Variants in KIAA1549L observed in about 807,000 individuals in gnomAD.
The protein encoded by KIAA1549L is KIAA1549 like.
KIAA1549L carries 88 observed loss-of-function variants against 160.7 expected under a neutral mutation model. The observed-to-expected ratio is 0.55, with a 90% CI of 0.46 to 0.65. The LOEUF (loss-of-function observed/expected upper bound fraction) is 0.65, where lower values mean the gene tolerates loss of function less well. Ranked by LOEUF, KIAA1549L falls within the 30% of genes least tolerant of loss-of-function variation. The pLI is 0.00. For missense variants in KIAA1549L, 2,258 were observed against 2,437.5 expected (o/e 0.93, Z 1.55); for synonymous variants, 950 against 976.7 (o/e 0.97, Z 0.51).
At chr11:33,634,779 G>A (rs1851394600) in intron 16 of KIAA1549L, among the ~76,000 whole-genome samples, 1 of 152,142 alleles carries the variant, frequency 6.6e-6, no homozygotes, top group Non-Finnish European at 1.5e-5. Context: ...TCTGAAAGAG[G>A]ATGTCCCTAT....
At chr11:33,567,973 A>T in intron 8 of KIAA1549L, 103 bp from the exon 9 acceptor site, 1 of 1,226,068 alleles carries the variant, frequency 8.2e-7, no homozygotes, top group South Asian at 1.7e-5. Context: ...GAGGTAGGAC[A>T]CAGTGGCCCT....
intron 3 of KIAA1549L, among the ~76,000 whole-genome samples, chr11:33,546,606 C>T (rs1279515746): frequency 2.0e-5 from 3 of 152,210 alleles, no homozygotes; most frequent in Non-Finnish European, 4.4e-5. Context: ...CAGAGTCCCA[C>T]CTCTTCAATC....
intron 11 of KIAA1549L, among the ~76,000 whole-genome samples, chr11:33,586,249 C>T (rs947555658): frequency 6.6e-6 from 1 of 152,222 alleles, no homozygotes; most frequent in African/African-American, 2.4e-5. Context: ...AGAGGGCACT[C>T]CCGGGGATCC....
At chr11:33,532,202 C>T (rs949598372) in intron 1 of KIAA1549L, among the ~76,000 whole-genome samples, 11 of 152,186 alleles carry the variant, frequency 7.2e-5, no homozygotes, top group African/African-American at 2.7e-4. Context: ...CTCTATCTCA[C>T]AGGTACTATG....
chr11:33,557,153 A>G (rs1257931947), intron 6 of KIAA1549L, among the ~76,000 whole-genome samples: 1 of 151,732 alleles, frequency 6.6e-6, no homozygotes, highest in Admixed American at 6.6e-5. Flanking sequence ...ATGCTTGGCA[A>G]TTTTTTTCTA....
chr11:33,581,068 G>A lies in KIAA1549L; in HGVS notation c.4403-2270G>A, dbSNP rs548145157. On this transcript the variant is annotated intron_variant, in intron 10 of 20. Transcript: ENST00000658780. ...TCGAGGTCATTGAGGGAGCAGAGTC[G>A]TAGCTGTGAGGTCAGAGGCACAGAA... is the stretch of plus-strand genomic sequence containing the variant. 1.1e-3 allele frequency among the ~76,000 whole-genome samples: 164 copies of A among 152,256 alleles called. 2 individuals carry two copies. Among genetic ancestry groups the A allele is most frequent in the Middle Eastern group, 6.8e-3 (2 of 294 alleles).
intron 19 of KIAA1549L, among the ~76,000 whole-genome samples, chr11:33,660,409 C>CA (rs753361566): frequency 8.1e-4 from 124 of 152,220 alleles, no homozygotes; most frequent in Admixed American, 2.7e-3. Flanking sequence ...ACTAAAAATA[C>CA]AAAAAATTAG....
intron 1 of KIAA1549L, among the ~76,000 whole-genome samples, chr11:33,465,046 CTTTTTTTTTT>C (rs1008261470): frequency 1.4e-4 from 11 of 79,004 alleles, no homozygotes; most frequent in South Asian, 4.7e-4. Flanking sequence ...GGACCTTCTT[CTTTTTTTTTT>C]TTTTTTTTTT....
intron 1 of KIAA1549L, among the ~76,000 whole-genome samples, chr11:33,504,919 G>A (rs919028896): frequency 2.6e-5 from 4 of 152,064 alleles, no homozygotes. Flanking sequence ...GGCATGCACT[G>A]CCACACCTGG....
intron 17 of KIAA1549L, among the ~76,000 whole-genome samples, chr11:33,649,701 A>G (rs1438342470): frequency 1.3e-5 from 2 of 151,918 alleles, no homozygotes; most frequent in East Asian, 1.9e-4. Flanking sequence ...GGAAATATGC[A>G]GATATATCAG....
rs188088387 is a variant in KIAA1549L at position 33,478,338 on chromosome 11, T to C, written c.239-63464T>C. Among the ~76,000 whole-genome samples, 185 of 152,314 alleles carry C rather than the reference T, an allele frequency of 1.2e-3. 1 individual carries two copies. Among genetic ancestry groups the C allele is most frequent in the African/African-American group, 4.3e-3 (177 of 41,574 alleles). On this transcript the variant is annotated intron_variant, in intron 1 of 20. Transcript: ENST00000658780. ...TGCAAGCCCCCCAGACGGGCAAAGG[T>C]TTCTGCAAAGCTATGTCTTGCAGGG...
chr11:33,621,370 G>A (rs373492878), intron 16 of KIAA1549L, among the ~76,000 whole-genome samples: 2 of 152,286 alleles, frequency 1.3e-5, no homozygotes, highest in East Asian at 3.9e-4. Flanking sequence ...GCTAAGGGAT[G>A]TAGTACACTC....
At chr11:33,459,185 T>C (rs1169620124) in intron 1 of KIAA1549L, among the ~76,000 whole-genome samples, 2 of 152,232 alleles carry the variant, frequency 1.3e-5, no homozygotes, top group Non-Finnish European at 2.9e-5. Flanking sequence ...GGAAGAATTC[T>C]GGGCTTTACC....
intron 1 of KIAA1549L, among the ~76,000 whole-genome samples, chr11:33,511,943 A>G (rs1429560867): frequency 1.3e-5 from 2 of 152,240 alleles, no homozygotes; most frequent in Non-Finnish European, 2.9e-5. Flanking sequence ...TTTGTATACA[A>G]TAAAGTTAGC....
intron 12 of KIAA1549L, among the ~76,000 whole-genome samples, chr11:33,591,684 C>T (rs1401024667): frequency 6.6e-6 from 1 of 152,216 alleles, no homozygotes; most frequent in Non-Finnish European, 1.5e-5. Flanking sequence ...AAATTTAGCA[C>T]TGATGTTACA....
intron 15 of KIAA1549L, among the ~76,000 whole-genome samples, chr11:33,611,454 G>A (rs771995797): frequency 9.2e-5 from 14 of 152,026 alleles, no homozygotes; most frequent in Non-Finnish European, 1.9e-4. Flanking sequence ...TTTCAATAAA[G>A]AAAAGAGGAA....
chr11:33,398,771 A>G (rs988156228), intron 1 of KIAA1549L, among the ~76,000 whole-genome samples: 2 of 152,206 alleles, frequency 1.3e-5, no homozygotes, highest in African/African-American at 4.8e-5. Context: ...CCTTTTACAA[A>G]TACATTTGTA....
At chr11:33,386,433 C>T (rs995194158) in intron 1 of KIAA1549L, among the ~76,000 whole-genome samples, 1 of 152,090 alleles carries the variant, frequency 6.6e-6, no homozygotes, top group African/African-American at 2.4e-5. Context: ...GTAATCCCAG[C>T]ACTTTGGGAG....
rs1463325499 is a variant in KIAA1549L at position 33,542,111 on chromosome 11, G to A, written c.548G>A (p.Gly183Glu). 5.9e-6 allele frequency: 3 copies of A among 509,638 alleles called. No individual in the cohort carries two copies. Among genetic ancestry groups the A allele is most frequent in the African/African-American group, 5.8e-5 (3 of 52,128 alleles). 31.6% of individuals were successfully genotyped at this position (509,638 alleles called of 1,614,324 possible). A position where few individuals can be genotyped will look rare whatever the true frequency, so the allele number is the denominator to read the frequency against. Reference protein sequence around the residue: ...KDSTESLVQPGPKGGQEAADV... With the variant: ...KDSTESLVQPEPKGGQEAADV... ...TCTACCGAGTCCCTGGTCCAACCGG[G>A]GCCTAAAGGGGGACAAGAAGCAGCC... is the stretch of plus-strand genomic sequence containing the variant. Residue 183 changes from glycine (G) to glutamate (E), a missense_variant, in exon 2 of 21, where the codon GGG (glycine) becomes GAG (glutamate). By Grantham distance (98) the Gly-to-Glu change is moderately conservative. Transcript: ENST00000658780.
Sources: gnomAD v4.1 joint callset for allele counts (sites outside exome capture counted in the v4.1 genomes callset) on GRCh38, gnomAD v4.1.1 for gene constraint, MANE v1.5 for transcripts, NCBI Gene and HGNC (gene_info 2026-07-23, HGNC 2026-07-21) for gene names.